Variants in RHBDL3 observed in about 807,000 individuals in gnomAD.
RHBDL3 encodes rhomboid-related protein 3.
A neutral mutation model predicts 48.2 loss-of-function variants in RHBDL3; 28 were observed. That is an observed-to-expected ratio of 0.58 (90% CI 0.43 to 0.80). The LOEUF is 0.80. RHBDL3 is among the 30% of genes least tolerant of loss of function. RHBDL3 has a pLI of 0.00. For synonymous variants in RHBDL3, 208 were observed against 232.3 expected (o/e 0.90, Z 0.95); for missense variants, 464 against 542.7 (o/e 0.85, Z 1.44).
rs779602102 is a variant in RHBDL3 at position 32,294,390 on chromosome 17, C to T, written c.616C>T (p.Gln206Ter). ...YLKNSLVYHP[Q>*]LRAQVWRYLT... Reference sequence around the variant, plus strand: ...GAAGAACTCCCTGGTTTACCACCCACAGCTGCGAGCACAGGTTTGGCGCTA... The same window carrying T: ...GAAGAACTCCCTGGTTTACCACCCATAGCTGCGAGCACAGGTTTGGCGCTA... The change falls in exon 5 of 9, where the codon CAG (glutamine) becomes TAG (stop). Residue 206 changes from glutamine to a stop codon, truncating the protein, a stop_gained. Coordinates refer to ENST00000269051, the MANE Select transcript of RHBDL3 (RefSeq NM_138328.3). LOFTEE classifies it high-confidence loss of function. 6.2e-7 allele frequency: 1 copy of T among 1,614,064 alleles called. No homozygotes were observed.
In RHBDL3 at chr17:32,266,308, C is replaced by A; in HGVS notation, c.111+8C>A. On this transcript the variant is annotated splice_region_variant and intron_variant, in intron 1 of 8. Transcript: ENST00000269051. ...CCCGCGGCGCCGGAGGACGTGAGTG[C>A]CCCCTCCCCGCCCGGCAAACTTTCT... The A allele has an allele frequency of 1.4e-6, 2 of 1,416,448 alleles. No homozygotes were observed. The highest frequency in any genetic ancestry group is 1.9e-6 in the Non-Finnish European group (2 of 1,073,942). The allele number at this position is 1,416,448 out of a possible 1,614,324, so 87.7% of individuals were successfully genotyped here. A position where few individuals can be genotyped will look rare whatever the true frequency, so the allele number is the denominator to read the frequency against.
chr17:32,298,276 G>C (rs1257211844), intron 6 of RHBDL3, 72 bp downstream of exon 6: 8 of 977,124 alleles, frequency 8.2e-6, no homozygotes, highest in Non-Finnish European at 1.1e-5. Context: ...GTGGGGCGGG[G>C]CAAGCCCCAG....
chr17:32,272,630 C>T lies in RHBDL3; in HGVS notation c.135+4705C>T, dbSNP rs1465924005. Among the ~76,000 whole-genome samples, 3 of 152,202 alleles carry T rather than the reference C, an allele frequency of 2.0e-5. No homozygotes were observed. In the East Asian group the frequency reaches 5.8e-4, roughly 29 times the overall value. On this transcript the variant is annotated intron_variant, in intron 2 of 8. Transcript: ENST00000269051. ...GGACTCCTCTTCACCACAGAGCCTGCTTCCCTACCTTACTCCTGCCCCAGT... is the reference window on the plus strand; with the variant it reads ...GGACTCCTCTTCACCACAGAGCCTGTTTCCCTACCTTACTCCTGCCCCAGT...
intron 2 of RHBDL3, among the ~76,000 whole-genome samples, chr17:32,276,186 G>T (rs2039894565): frequency 6.6e-6 from 1 of 151,920 alleles, no homozygotes; most frequent in Non-Finnish European, 1.5e-5. Context: ...TCAGGGGAAG[G>T]GTATGAGGTG....
intron 2 of RHBDL3, among the ~76,000 whole-genome samples, chr17:32,276,403 G>A (rs1444484139): frequency 2.6e-5 from 4 of 152,108 alleles, no homozygotes; most frequent in African/African-American, 4.8e-5. Flanking sequence ...TAACCTCCCC[G>A]CTGACCTTGG....
chr17:32,297,401 G>C (rs2040476857), intron 5 of RHBDL3, among the ~76,000 whole-genome samples: 1 of 152,188 alleles, frequency 6.6e-6, no homozygotes, highest in Non-Finnish European at 1.5e-5. Context: ...GGCAGAGGTT[G>C]CAGTGAGCTG....
At chr17:32,290,075 G>A (rs1464535900) in intron 4 of RHBDL3, among the ~76,000 whole-genome samples, 8 of 152,122 alleles carry the variant, frequency 5.3e-5, no homozygotes, top group Admixed American at 3.9e-4. Context: ...CAATAATAAC[G>A]AGATGCCTTG....
rs1228788292 is a variant in RHBDL3, at chr17:32,322,466, G to A, written c.*1237G>A. ...CTGAGATGGCCTTCATATCCAAAAA[G>A]GTTCCATCCTATCTCCCTTAGGAGA... is the stretch of plus-strand genomic sequence containing the variant. On this transcript the variant is annotated 3_prime_UTR_variant, in exon 9 of 9. Transcript: ENST00000269051. 1.3e-5 allele frequency: 2 copies of A among 152,246 alleles called. No individual in the cohort carries two copies. Among genetic ancestry groups the A allele is most frequent in the African/African-American group, 4.8e-5 (2 of 41,448 alleles). The allele number at this position is 152,246 out of a possible 1,614,324, so 9.4% of individuals were successfully genotyped here. A position where few individuals can be genotyped will look rare whatever the true frequency, so the allele number is the denominator to read the frequency against.
At chr17:32,268,987 T>G in intron 2 of RHBDL3, among the ~76,000 whole-genome samples, 1 of 151,976 alleles carries the variant, frequency 6.6e-6, no homozygotes. Context: ...AATTGGAAGA[T>G]CTTAATAGAC....
intron 4 of RHBDL3, among the ~76,000 whole-genome samples, chr17:32,290,511 C>T (rs2040301891): frequency 6.6e-6 from 1 of 152,130 alleles, no homozygotes; most frequent in Admixed American, 6.5e-5. Flanking sequence ...CCTGGGGCTA[C>T]AATGCCCAAG....
chr17:32,296,167 G>T (rs1050304476), intron 5 of RHBDL3, among the ~76,000 whole-genome samples: 8 of 148,696 alleles, frequency 5.4e-5, no homozygotes, highest in Non-Finnish European at 1.2e-4. Flanking sequence ...GGCAGAGCTT[G>T]CAGTGAGCCG....
rs189034246 is a variant in RHBDL3 at position 32,298,381 on chromosome 17, C to T, written c.781+177C>T. 3.5e-4 allele frequency among the ~76,000 whole-genome samples: 54 copies of T among 152,334 alleles called. 1 individual carries two copies. The East Asian group carries it at 5.4e-3, about 15-fold the overall frequency. On this transcript the variant is annotated intron_variant, in intron 6 of 8. Transcript: ENST00000269051. The stretch of plus-strand genomic sequence containing the variant: ...CCCACCTCCCTATGAGGCTGGAGAA[C>T]GGACTGCTGCCCATAGAGGGAGGTG...
intron 7 of RHBDL3, among the ~76,000 whole-genome samples, chr17:32,314,675 G>A (rs2040928209): frequency 6.6e-6 from 1 of 152,184 alleles, no homozygotes; most frequent in African/African-American, 2.4e-5. Context: ...GTCCGCCTTT[G>A]GGAAGAGATG....
intron 6 of RHBDL3, among the ~76,000 whole-genome samples, chr17:32,300,545 AC>A (rs1567780980): frequency 6.6e-6 from 1 of 151,814 alleles, no homozygotes; most frequent in East Asian, 1.9e-4. Context: ...CAGAGCAAGA[AC>A]CTGTCTCAAA....
chr17:32,318,799 G>A (rs1167668559), intron 8 of RHBDL3, among the ~76,000 whole-genome samples: 1 of 152,104 alleles, frequency 6.6e-6, no homozygotes, highest in African/African-American at 2.4e-5. Flanking sequence ...GTCTGGGAGG[G>A]CTCCACTTCA....
rs528998601 is a variant in RHBDL3 at position 32,298,028 on chromosome 17, T to TTGAATGAA, written c.669-42_669-35dup. 50 of 1,212,708 alleles carry TTGAATGAA rather than the reference T, an allele frequency of 4.1e-5. No homozygotes were observed. In the African/African-American group the frequency reaches 5.2e-4, roughly 13 times the overall value. The allele number at this position is 1,212,708 out of a possible 1,614,324, so 75.1% of individuals were successfully genotyped here. A position where few individuals can be genotyped will look rare whatever the true frequency, so the allele number is the denominator to read the frequency against. ...GCATCTTGGGGGATGCAGGTGTTTG[T>TTGAATGAA]TGAATGAATGAATGAATGAATGAAT... On this transcript the variant is annotated intron_variant, in intron 5 of 8. Transcript: ENST00000269051.
chr17:32,310,815 C>T (rs2040829835), intron 7 of RHBDL3, among the ~76,000 whole-genome samples: 1 of 144,736 alleles, frequency 6.9e-6, no homozygotes, highest in Non-Finnish European at 1.5e-5. Flanking sequence ...AACTGGGAGG[C>T]AGAGCTTGCA....
Position 32,321,273 on chromosome 17 carries a change from C to A in RHBDL3, c.*44C>A, listed in dbSNP as rs2041126220. 6.2e-7 allele frequency: 1 copy of A among 1,612,786 alleles called. No individual in the cohort carries two copies. The highest frequency in any genetic ancestry group is 8.5e-7 in the Non-Finnish European group (1 of 1,179,800). On this transcript the variant is annotated 3_prime_UTR_variant, in exon 9 of 9. Transcript: ENST00000269051. ...CGGGGAGGGGAGGGAAAAGCAGCAC[C>A]CACAGGGAGCGCCTGCGAGGTTTCT... is the stretch of plus-strand genomic sequence containing the variant.
chr17:32,283,525 G>A lies in RHBDL3; in HGVS notation c.136-1134G>A, dbSNP rs181749328. Among the ~76,000 whole-genome samples the A allele has an allele frequency of 5.2e-3, 792 of 151,810 alleles. 6 individuals carry two copies. The highest frequency in any genetic ancestry group is 7.2e-3 in the Non-Finnish European group (492 of 67,952). On this transcript the variant is annotated intron_variant, in intron 2 of 8. Coordinates refer to ENST00000269051, the MANE Select transcript of RHBDL3 (RefSeq NM_138328.3). ...TTTTTAGTAGAGACGGGGTTTCACC[G>A]TGTTAGCCAGGATGGTCTCCATCTC...
Sources: allele counts gnomAD v4.1 joint callset (sites outside exome capture counted in the v4.1 genomes callset), GRCh38; gene constraint gnomAD v4.1.1; transcripts MANE v1.5; gene names NCBI Gene and HGNC (gene_info 2026-07-23, HGNC 2026-07-21).